SLC25A26: variants seen among roughly 807,000 people sequenced by gnomAD.
SLC25A26 encodes the protein mitochondrial S-adenosylmethionine carrier protein.
Under a neutral mutation model 37.8 loss-of-function variants are expected in SLC25A26, and 36 were observed. The observed-to-expected ratio is 0.95, with a 90% CI of 0.73 to 1.26. The LOEUF (loss-of-function observed/expected upper bound fraction) is 1.26. Ranked by LOEUF, SLC25A26 falls within the 50% of genes most tolerant of loss-of-function variation. SLC25A26 has a pLI of 0.00. For synonymous variants in SLC25A26, 129 were observed against 122.5 expected (o/e 1.05, Z -0.35); for missense variants, 390 against 331.1 (o/e 1.18, Z -1.38).
intron 5 of SLC25A26, among the ~76,000 whole-genome samples, chr3:66,325,120 A>G (rs73833464): frequency 0.017 from 2,541 of 152,230 alleles, 78 homozygotes; most frequent in African/African-American, 0.058. Context: ...GTCTCCTTCA[A>G]TGTTTCCACA....
At chr3:66,313,897 T>C (rs992462573) in intron 5 of SLC25A26, among the ~76,000 whole-genome samples, 1 of 152,164 alleles carries the variant, frequency 6.6e-6, no homozygotes, top group African/African-American at 2.4e-5. Flanking sequence ...GAATGGGAGT[T>C]CATTCATGAT....
chr3:66,261,843 C>G (rs1416558600), intron 3 of SLC25A26, among the ~76,000 whole-genome samples: 1 of 151,276 alleles, frequency 6.6e-6, no homozygotes, highest in East Asian at 1.9e-4. Context: ...CTATATAGGA[C>G]AAGCCAGGAA....
intron 1 of SLC25A26, among the ~76,000 whole-genome samples, chr3:66,164,593 T>C (rs1452118859): frequency 2.6e-5 from 4 of 152,212 alleles, no homozygotes; most frequent in Non-Finnish European, 5.9e-5. Context: ...CGTCAATGAC[T>C]TGGACTAGGG....
chr3:66,252,554 G>A, intron 3 of SLC25A26, among the ~76,000 whole-genome samples: 1 of 152,070 alleles, frequency 6.6e-6, no homozygotes, highest in East Asian at 1.9e-4. Flanking sequence ...TGAAAAAATA[G>A]GATTAATGCC....
intron 1 of SLC25A26, among the ~76,000 whole-genome samples, chr3:66,190,376 T>A (rs1413782471): frequency 6.6e-6 from 1 of 152,114 alleles, no homozygotes; most frequent in African/African-American, 2.4e-5. Context: ...GTAGTTCTTA[T>A]TGATTTGCCT....
rs1438475732 is a variant in SLC25A26 at position 66,221,105 on chromosome 3, C to G, written c.11C>G (p.Pro4Arg). 5 of 1,530,814 alleles carry G rather than the reference C, an allele frequency of 3.3e-6. 1 individual carries two copies. Among genetic ancestry groups the G allele is most frequent in the East Asian group, 2.5e-5 (1 of 40,092 alleles). 94.8% of individuals were successfully genotyped at this position (1,530,814 alleles called of 1,614,324 possible). A position where few individuals can be genotyped will look rare whatever the true frequency, so the allele number is the denominator to read the frequency against. Residue 4 changes from proline to arginine, a missense_variant, in exon 1 of 10, where the codon CCG becomes CGG. By Grantham distance (103) the Pro-to-Arg change is moderately radical. Coordinates refer to ENST00000354883, the MANE Select transcript of SLC25A26 (RefSeq NM_001379210.1). ...GAGGTCTGAGCGACCATGGACCGGC[C>G]GGGGTTCGTGGCAGCGCTGGTGGTG... MDR[P>R]GFVAALVAGG...
chr3:66,333,188 G>A (rs1238874897), intron 5 of SLC25A26, among the ~76,000 whole-genome samples: 1 of 151,966 alleles, frequency 6.6e-6, no homozygotes, highest in African/African-American at 2.4e-5. Flanking sequence ...TCTTTTAATC[G>A]GCAGACCAAG....
chr3:66,154,036 G>A (rs1183239039), intron 1 of SLC25A26, among the ~76,000 whole-genome samples: 5 of 152,170 alleles, frequency 3.3e-5, no homozygotes, highest in Non-Finnish European at 5.9e-5. Flanking sequence ...GCTGTGATGA[G>A]CTTGGTTGAT....
chr3:66,213,889 C>T (rs984072067), intron 1 of SLC25A26, among the ~76,000 whole-genome samples: 21,710 of 151,868 alleles, frequency 0.14, 1,730 homozygotes, highest in East Asian at 0.25. Context: ...GAGGTCTTAA[C>T]GCTGCACTCC....
At chr3:66,310,837 T>G (rs2075356142) in intron 5 of SLC25A26, among the ~76,000 whole-genome samples, 1 of 152,242 alleles carries the variant, frequency 6.6e-6, no homozygotes, top group Non-Finnish European at 1.5e-5. Flanking sequence ...TCTTTTGGCT[T>G]GTAGCGTTTC....
At chr3:66,267,480 G>T (rs2073798436) in intron 5 of SLC25A26, among the ~76,000 whole-genome samples, 1 of 152,158 alleles carries the variant, frequency 6.6e-6, no homozygotes, top group Non-Finnish European at 1.5e-5. Flanking sequence ...GAGAATTTGG[G>T]AAAAGCCCTT....
chr3:66,221,273 A>T, intron 1 of SLC25A26, 146 bp downstream of exon 1: 1 of 828,038 alleles, frequency 1.2e-6, no homozygotes, highest in South Asian at 2.0e-5. Flanking sequence ...AGGGAGCACG[A>T]GGCTCCCAGG....
At chr3:66,136,032 A>C (rs1233564580) in intron 1 of SLC25A26, among the ~76,000 whole-genome samples, 2 of 152,246 alleles carry the variant, frequency 1.3e-5, no homozygotes. Context: ...TGTATTGATC[A>C]CAACAATTCA....
intron 1 of SLC25A26, among the ~76,000 whole-genome samples, chr3:66,202,369 CG>C (rs2071122465): frequency 6.6e-6 from 1 of 151,556 alleles, no homozygotes; most frequent in East Asian, 1.9e-4. Context: ...CATGGGGGTG[CG>C]GGTGCAAGGG....
At chr3:66,186,884 A>G (rs910194780) in intron 1 of SLC25A26, among the ~76,000 whole-genome samples, 10 of 151,962 alleles carry the variant, frequency 6.6e-5, no homozygotes, top group Non-Finnish European at 1.3e-4. Context: ...TGACCTGACC[A>G]TGTCCCTGAG....
At chr3:66,290,229 T>A (rs2074658513) in intron 5 of SLC25A26, among the ~76,000 whole-genome samples, 1 of 152,146 alleles carries the variant, frequency 6.6e-6, no homozygotes, top group Non-Finnish European at 1.5e-5. Flanking sequence ...GTCGATGGGG[T>A]TTTCCAAATG....
In SLC25A26 at chr3:66,214,998, G is replaced by A. The variant is rs930221400; in HGVS notation, c.-353-5744G>A. Among the ~76,000 whole-genome samples, 7 of 152,132 alleles carry A rather than the reference G, an allele frequency of 4.6e-5. No individual in the cohort carries two copies. The South Asian group carries it at 8.3e-4, about 18-fold the overall frequency. ...CAAAAATTCGGGCATGGTGGCAGGTGCCTGTAATCCCAGCTACTTGGGAGG... is the reference window on the plus strand; with the variant it reads ...CAAAAATTCGGGCATGGTGGCAGGTACCTGTAATCCCAGCTACTTGGGAGG... On this transcript the variant is annotated intron_variant, in intron 1 of 10. Coordinates refer to the SLC25A26 transcript ENST00000676754.
chr3:66,325,677 G>C (rs550494197), intron 5 of SLC25A26, among the ~76,000 whole-genome samples: 1 of 152,178 alleles, frequency 6.6e-6, no homozygotes, highest in Non-Finnish European at 1.5e-5. Context: ...GGAATCATAT[G>C]TAAGAAGGCC....
At chr3:66,274,703 A>G (rs1169969552) in intron 5 of SLC25A26, among the ~76,000 whole-genome samples, 1 of 152,214 alleles carries the variant, frequency 6.6e-6, no homozygotes. Flanking sequence ...ACAATGAGAT[A>G]CCATCTCACA....
Sources: gnomAD v4.1 joint callset for allele counts (sites outside exome capture counted in the v4.1 genomes callset) on GRCh38, gnomAD v4.1.1 for gene constraint, MANE v1.5 for transcripts, NCBI Gene and HGNC (gene_info 2026-07-23, HGNC 2026-07-21) for gene names.